NBAS: variants seen among roughly 807,000 people sequenced by gnomAD.
The protein encoded by NBAS is NBAS subunit of NRZ tethering complex, also known as NAG/BC035112 fusion.
In NBAS, 219 loss-of-function variants were observed where a neutral mutation model predicts 302.5. The observed-to-expected ratio is 0.72, with a 90% CI of 0.65 to 0.81. NBAS has a LOEUF of 0.81. Among genes scored for constraint, NBAS ranks in the 30% least tolerant of loss-of-function variants. The pLI is 0.00. For missense variants in NBAS, 2,932 were observed against 2,841.6 expected (o/e 1.03, Z -0.72); for synonymous variants, 1,118 against 1,021.6 (o/e 1.09, Z -1.80).
the NBAS span, among the ~76,000 whole-genome samples, chr2:14,840,188 AG>A: frequency 6.6e-6 from 1 of 151,986 alleles, no homozygotes; most frequent in African/African-American, 2.4e-5. Context: ...TTCAAGCAGA[AG>A]AAAGAATCAA....
At chr2:14,933,002 C>T in the NBAS span, among the ~76,000 whole-genome samples, 2 of 152,260 alleles carry the variant, frequency 1.3e-5, no homozygotes, top group Admixed American at 6.5e-5. Flanking sequence ...GAAAGAAGGA[C>T]GTTTCTAAGA....
At chr2:15,327,116 T>A (rs1410670269) in intron 38 of NBAS, among the ~76,000 whole-genome samples, 1 of 152,072 alleles carries the variant, frequency 6.6e-6, no homozygotes, top group Non-Finnish European at 1.5e-5. Flanking sequence ...GAAAACTGCT[T>A]TTTCTTCACC....
chr2:15,400,236 G>C (rs538319406), intron 26 of NBAS, among the ~76,000 whole-genome samples: 10 of 146,040 alleles, frequency 6.8e-5, no homozygotes, highest in African/African-American at 2.3e-4. Flanking sequence ...AGAAGAGACA[G>C]AGAAAAAAAA....
chr2:15,327,461 T>G (rs981009989), intron 38 of NBAS, among the ~76,000 whole-genome samples: 1 of 152,210 alleles, frequency 6.6e-6, no homozygotes, highest in Non-Finnish European at 1.5e-5. Context: ...TGAGCATTTT[T>G]TCCATTCACT....
chr2:15,206,369 T>G (rs746354545), intron 48 of NBAS, among the ~76,000 whole-genome samples: 3 of 152,058 alleles, frequency 2.0e-5, no homozygotes, highest in Non-Finnish European at 4.4e-5. Context: ...TGGAACTTAG[T>G]TTAAAAGGGA....
chr2:15,158,793 C>A, the NBAS span, among the ~76,000 whole-genome samples: 1 of 152,144 alleles, frequency 6.6e-6, no homozygotes, highest in African/African-American at 2.4e-5. Context: ...ATGGAGAATG[C>A]CCTTCTGGAG....
chr2:15,284,752 T>C (rs556472644), intron 42 of NBAS, among the ~76,000 whole-genome samples: 2 of 152,358 alleles, frequency 1.3e-5, no homozygotes, highest in East Asian at 1.9e-4. Flanking sequence ...TTAGATTAAA[T>C]AGTAAAGCAA....
chr2:15,457,273 A>G (rs541318800), intron 21 of NBAS, among the ~76,000 whole-genome samples: 1 of 152,300 alleles, frequency 6.6e-6, no homozygotes, highest in South Asian at 2.1e-4. Context: ...TCAATTCAAC[A>G]GATTATTAAA....
chr2:15,100,183 G>A, the NBAS span, among the ~76,000 whole-genome samples: 2 of 152,116 alleles, frequency 1.3e-5, no homozygotes, highest in African/African-American at 2.4e-5. Context: ...TAATGACCCC[G>A]AATGATGATA....
the NBAS span, among the ~76,000 whole-genome samples, chr2:15,144,521 C>A: frequency 6.6e-6 from 1 of 152,292 alleles, no homozygotes; most frequent in East Asian, 1.9e-4. Flanking sequence ...TTTTTAGGTC[C>A]TTTGGGGAAG....
intron 40 of NBAS, among the ~76,000 whole-genome samples, chr2:15,303,172 T>C (rs1358122080): frequency 6.6e-6 from 1 of 152,182 alleles, no homozygotes; most frequent in Non-Finnish European, 1.5e-5. Context: ...ATATATCCTA[T>C]TCCTTCTGCC....
intron 47 of NBAS, among the ~76,000 whole-genome samples, chr2:15,221,088 A>G (rs905478065): frequency 2.6e-5 from 4 of 152,236 alleles, no homozygotes; most frequent in African/African-American, 9.6e-5. Context: ...AATATTTATC[A>G]GAAATGGAAA....
At chr2:15,349,867 T>C (rs899057608) in intron 35 of NBAS, among the ~76,000 whole-genome samples, 147 of 152,264 alleles carry the variant, frequency 9.7e-4, no homozygotes, top group African/African-American at 3.5e-3. Context: ...AAGTGCTCAA[T>C]AGCTCTGTGT....
chr2:15,416,700 G>A (rs972088572), intron 24 of NBAS, among the ~76,000 whole-genome samples: 2 of 151,834 alleles, frequency 1.3e-5, no homozygotes, highest in African/African-American at 4.8e-5. Context: ...CAGCTACTCG[G>A]GAGGCTGAGG....
chr2:14,903,724 C>T, the NBAS span, among the ~76,000 whole-genome samples: 1 of 152,184 alleles, frequency 6.6e-6, no homozygotes, highest in Non-Finnish European at 1.5e-5. Context: ...GAATAATGAT[C>T]AAAATCATGG....
At chr2:14,982,902 AAT>A in the NBAS span, among the ~76,000 whole-genome samples, 1 of 152,220 alleles carries the variant, frequency 6.6e-6, no homozygotes, top group Non-Finnish European at 1.5e-5. Context: ...ACCAGAGCTA[AAT>A]AGAAACAGAG....
At chr2:15,403,730 C>T (rs540153541) in intron 25 of NBAS, among the ~76,000 whole-genome samples, 1 of 152,162 alleles carries the variant, frequency 6.6e-6, no homozygotes, top group African/African-American at 2.4e-5. Flanking sequence ...TGAAAAATGT[C>T]ATCTGACAAA....
chr2:14,916,822 A>T, the NBAS span, among the ~76,000 whole-genome samples: 1 of 152,220 alleles, frequency 6.6e-6, no homozygotes, highest in Non-Finnish European at 1.5e-5. Context: ...CAGTTGTCCC[A>T]GCAAAGCAGA....
At chr2:14,782,485 T>C in the NBAS span, among the ~76,000 whole-genome samples, 1 of 152,110 alleles carries the variant, frequency 6.6e-6, no homozygotes, top group Non-Finnish European at 1.5e-5. Context: ...CAGAGAAAAG[T>C]GAACACTTAT....
Sources: gnomAD v4.1 joint callset for allele counts (sites outside exome capture counted in the v4.1 genomes callset) on GRCh38, gnomAD v4.1.1 for gene constraint, MANE v1.5 for transcripts, NCBI Gene and HGNC (gene_info 2026-07-23, HGNC 2026-07-21) for gene names.